KRT84: variants seen among roughly 807,000 people sequenced by gnomAD.
KRT84 encodes keratin, type II cuticular Hb4.
In KRT84, 38 loss-of-function variants were observed where a neutral mutation model predicts 49.0. That is an observed-to-expected ratio of 0.78 (90% CI 0.60 to 1.02). The LOEUF is 1.02. Ranked by LOEUF, KRT84 falls within the 50% of genes least tolerant of loss-of-function variation. The pLI, the probability that KRT84 is intolerant of heterozygous loss-of-function variation, is 0.00. For missense variants in KRT84, 860 were observed against 788.6 expected (o/e 1.09, Z -1.08); for synonymous variants, 334 against 312.8 (o/e 1.07, Z -0.72).
intron 8 of KRT84, among the ~76,000 whole-genome samples, chr12:52,379,132 C>T (rs988245332): frequency 6.6e-6 from 1 of 152,246 alleles, no homozygotes; most frequent in African/African-American, 2.4e-5. Context: ...GTACATGTAG[C>T]TCTGACTGTC....
In KRT84 at chr12:52,382,429, A is replaced by G. The variant is rs1939498062; in HGVS notation, c.912+8T>C. On this transcript the variant is annotated splice_region_variant and intron_variant, in intron 4 of 8. Transcript: ENST00000257951. ...TCCTTGGGTGCCCTAGAGAAGATGA[A>G]CCCTCACCTCCATGTAAAGCGTTTT... The G allele has an allele frequency of 3.7e-6, 6 of 1,601,894 alleles. No homozygotes were observed. The highest frequency in any genetic ancestry group is 5.1e-6 in the Non-Finnish European group (6 of 1,168,926).
chr12:52,383,103 A>T, intron 2 of KRT84, 38 bp from the exon 3 acceptor site: 1 of 1,568,324 alleles, frequency 6.4e-7, no homozygotes, highest in Non-Finnish European at 8.8e-7. Context: ...GCTTACTCTG[A>T]ACTGAGAGGC....
At chr12:52,381,971 C>T (rs552810467) in intron 4 of KRT84, among the ~76,000 whole-genome samples, 1 of 152,180 alleles carries the variant, frequency 6.6e-6, no homozygotes, top group East Asian at 1.9e-4. Context: ...GACTGGCCTG[C>T]AAAGAGAGTT....
intron 1 of KRT84, 62 bp from the exon 2 acceptor site, chr12:52,383,860 A>G: frequency 7.2e-7 from 1 of 1,385,364 alleles, no homozygotes; most frequent in Middle Eastern, 2.0e-4. Flanking sequence ...GCCTTGACCA[A>G]GCTCTTGAGA....
chr12:52,385,497 C>T lies in KRT84; in HGVS notation c.89G>A (p.Arg30His), dbSNP rs150339857. The change falls in exon 1 of 9, where the codon CGC becomes CAC. Residue 30 changes from arginine to histidine, a missense_variant. By Grantham distance (29) the Arg-to-His change is conservative. Coordinates refer to ENST00000257951, the MANE Select transcript of KRT84 (RefSeq NM_033045.4). ...CSAMTPQNLN[R>H]FRANSVSCWS... Reference sequence around the variant, plus strand: ...ACAGGAGACAGAGTTGGCCCGGAAGCGATTCAGGTTCTGTGGTGTCATTGC... The same window carrying T: ...ACAGGAGACAGAGTTGGCCCGGAAGTGATTCAGGTTCTGTGGTGTCATTGC... 92 of 1,614,098 alleles carry T rather than the reference C, an allele frequency of 5.7e-5. No individual in the cohort carries two copies. Among genetic ancestry groups the T allele is most frequent in the African/African-American group, 1.5e-4 (11 of 74,922 alleles).
intron 7 of KRT84, 128 bp from the exon 8 acceptor site, chr12:52,380,035 C>A (rs1939453133): frequency 2.5e-6 from 2 of 791,956 alleles, no homozygotes; most frequent in South Asian, 3.3e-5. Context: ...GTTATACACA[C>A]ATCTGGGGAG....
intron 3 of KRT84, 134 bp downstream of exon 3, chr12:52,382,871 G>T: frequency 2.8e-6 from 2 of 725,054 alleles, no homozygotes; most frequent in African/African-American, 1.8e-5. Context: ...TTATCTCTGA[G>T]ATTCCACTGT....
rs769173983 is a variant in KRT84, at chr12:52,378,159, C to T, written c.1678G>A (p.Glu560Lys). The T allele has an allele frequency of 3.7e-5, 59 of 1,575,842 alleles. No homozygotes were observed. The South Asian group carries it at 5.2e-4, about 14-fold the overall frequency. Reference protein sequence around the residue: ...GTRSGSMLISEACVPSVPCPL... With the variant: ...GTRSGSMLISKACVPSVPCPL... ...CAGGGGACGCTGGGGACACAGGCCTCGCTGATGAGCATGGAGCCACTCCTT... is the reference window on the plus strand; with the variant it reads ...CAGGGGACGCTGGGGACACAGGCCTTGCTGATGAGCATGGAGCCACTCCTT... Residue 560 changes from glutamate (E) to lysine (K), a missense_variant, in exon 9 of 9, where the codon GAG (glutamate) becomes AAG (lysine). Coordinates refer to ENST00000257951, the MANE Select transcript of KRT84 (RefSeq NM_033045.4).
Position 52,378,248 on chromosome 12 carries a change from C to T in KRT84, c.1589G>A (p.Cys530Tyr), listed in dbSNP as rs201855800. ...CCGGGCTCCACCCAGGCTGGGGCCA[C>T]AGGAAGCCAGGACCCCACTGGTGGC... ...VCATSGVLAS[C>Y]GPSLGGARVA... is the part of the protein sequence containing the mutation. The change falls in exon 9 of 9, where the codon TGT (cysteine) becomes TAT (tyrosine). Residue 530 changes from cysteine (C) to tyrosine (Y), a missense_variant. By Grantham distance (194) the Cys-to-Tyr change is radical (BLOSUM62 -2). Coordinates refer to ENST00000257951, the MANE Select transcript of KRT84 (RefSeq NM_033045.4). The T allele has an allele frequency of 1.9e-6, 3 of 1,559,830 alleles. No homozygotes were observed. Among genetic ancestry groups the T allele is most frequent in the East Asian group, 4.7e-5 (2 of 42,180 alleles).
intron 4 of KRT84, among the ~76,000 whole-genome samples, chr12:52,382,231 T>G (rs113106754): frequency 6.7e-4 from 102 of 152,284 alleles, no homozygotes; most frequent in African/African-American, 2.3e-3. Context: ...ATCCAAGGAG[T>G]TTGACTTGCA....
chr12:52,378,379 G>C lies in KRT84; in HGVS notation c.1458C>G (p.Ser486=). 3 of 1,455,614 alleles carry C rather than the reference G, an allele frequency of 2.1e-6. No individual in the cohort carries two copies. Among genetic ancestry groups the C allele is most frequent in the Admixed American group, 5.0e-5 (2 of 40,032 alleles). The allele number at this position is 1,455,614 out of a possible 1,614,324, so 90.2% of individuals were successfully genotyped here. A position where few individuals can be genotyped will look rare whatever the true frequency, so the allele number is the denominator to read the frequency against. The change falls in exon 9 of 9, where the codon TCC becomes TCG. Residue 486 remains serine, a splice_region_variant and synonymous_variant. Transcript: ENST00000257951. ...CCAGGCCGCCCCGGGAGCTGCTGAC[G>C]GCTGCGGAGAAAGAAAGCATCAGGG... ...LCEGVGPVNI[S]VSSSRGGLVC... is the part of the protein sequence containing the mutation.
Position 52,385,599 on chromosome 12 carries a change from T to C in KRT84, c.-14A>G, listed in dbSNP as rs775623404. ...GCGGCAAGACATGATGGCTTCCTGGTTGGGAGCAAAAGAGCAAGTGTAGAA... is the reference window on the plus strand; with the variant it reads ...GCGGCAAGACATGATGGCTTCCTGGCTGGGAGCAAAAGAGCAAGTGTAGAA... On this transcript the variant is annotated 5_prime_UTR_variant, in exon 1 of 9. Coordinates refer to ENST00000257951, the MANE Select transcript of KRT84 (RefSeq NM_033045.4). 6.2e-7 allele frequency: 1 copy of C among 1,609,036 alleles called. No homozygotes were observed. Among genetic ancestry groups the C allele is most frequent in the Non-Finnish European group, 8.5e-7 (1 of 1,177,294 alleles).
chr12:52,379,997 A>G, intron 7 of KRT84, 90 bp from the exon 8 acceptor site: 1 of 1,136,550 alleles, frequency 8.8e-7, no homozygotes, highest in Non-Finnish European at 1.3e-6. Flanking sequence ...GTTTGAGTAG[A>G]TCTGTGGAGC....
Position 52,378,087 on chromosome 12 carries a change from T to A in KRT84, c.1750A>T (p.Ser584Cys). The change falls in exon 9 of 9, where the codon AGC becomes TGC. Residue 584 changes from serine to cysteine, a missense_variant. Ser to Cys is a moderately radical substitution (Grantham distance 112, BLOSUM62 -1). Transcript: ENST00000257951. ...GGFSSCSGGR[S>C]SSVRFVSTTT... is the part of the protein sequence containing the mutation. ...GTGGACACAAAGCGGACGCTGGAGC[T>A]GCGGCCGCCGCTGCAGCTGCTGAAG... 1 of 1,499,260 alleles carries A rather than the reference T, an allele frequency of 6.7e-7. No individual in the cohort carries two copies. Among genetic ancestry groups the A allele is most frequent in the Non-Finnish European group, 8.8e-7 (1 of 1,130,362 alleles). 92.9% of individuals were successfully genotyped at this position (1,499,260 alleles called of 1,614,324 possible). A position where few individuals can be genotyped will look rare whatever the true frequency, so the allele number is the denominator to read the frequency against.
chr12:52,379,849 G>T, intron 8 of KRT84, 27 bp downstream of exon 8: 2 of 1,588,068 alleles, frequency 1.3e-6, no homozygotes, highest in Non-Finnish European at 1.7e-6. Context: ...AGAGAAATGT[G>T]TGAAGAGGAA....
Position 52,383,040 on chromosome 12 carries a change from C to A in KRT84, c.781G>T (p.Ala261Ser). 1.9e-6 allele frequency: 3 copies of A among 1,613,880 alleles called. No homozygotes were observed. The highest frequency in any genetic ancestry group is 2.5e-6 in the Non-Finnish European group (3 of 1,179,932). ...GCCACAAACTCATTCTCAGCATTGG[C>A]CCGACATACCACTTCCTCTTCATAC... ...KKYEEEVVCR[A>S]NAENEFVALK... The change falls in exon 3 of 9, where the codon GCC becomes TCC. Residue 261 changes from alanine to serine, a missense_variant. By Grantham distance (99) the Ala-to-Ser change is moderately conservative. Transcript: ENST00000257951.
chr12:52,383,880 A>T (rs1939530498), intron 1 of KRT84, 82 bp from the exon 2 acceptor site: 1 of 1,134,932 alleles, frequency 8.8e-7, no homozygotes, highest in South Asian at 1.4e-5. Flanking sequence ...ATGGCCAGCG[A>T]TGACTTGACC....
chr12:52,383,695 T>C lies in KRT84; in HGVS notation c.650A>G (p.Tyr217Cys), dbSNP rs1250061383. The change falls in exon 2 of 9, where the codon TAC (tyrosine) becomes TGC (cysteine). Residue 217 changes from tyrosine (Y) to cysteine (C), a missense_variant. Tyr to Cys is a radical substitution (Grantham distance 194). Transcript: ENST00000257951. ...RSNLEPLFESYITNLRRQLEV... is the reference protein window; with the variant it reads ...RSNLEPLFESCITNLRRQLEV... ...CAACTGCCTCCGCAGGTTGGTGATG[T>C]AGCTCTCGAAGAGTGGCTCCAGATT... The C allele has an allele frequency of 1.2e-6, 2 of 1,614,076 alleles. No homozygotes were observed. The highest frequency in any genetic ancestry group is 2.7e-5 in the African/African-American group (2 of 74,932).
Position 52,378,159 on chromosome 12 carries a change from C to A in KRT84, c.1678G>T (p.Glu560Ter). The change falls in exon 9 of 9, where the codon GAG becomes TAG. Residue 560 changes from glutamate (E) to a stop codon, truncating the protein, a stop_gained. Coordinates refer to ENST00000257951, the MANE Select transcript of KRT84 (RefSeq NM_033045.4). LOFTEE classifies it high-confidence loss of function. ...GTRSGSMLIS[E>*]ACVPSVPCPL... is the part of the protein sequence containing the mutation. ...CAGGGGACGCTGGGGACACAGGCCT[C>A]GCTGATGAGCATGGAGCCACTCCTT... 1 of 1,575,842 alleles carries A rather than the reference C, an allele frequency of 6.3e-7. No individual in the cohort carries two copies.
Sources: allele counts gnomAD v4.1 joint callset (sites outside exome capture counted in the v4.1 genomes callset), GRCh38; gene constraint gnomAD v4.1.1; transcripts MANE v1.5; gene names NCBI Gene and HGNC (gene_info 2026-07-23, HGNC 2026-07-21).